Variants in JAKMIP3 observed in about 807,000 individuals in gnomAD.
JAKMIP3 encodes janus kinase and microtubule-interacting protein 3.
Under a neutral mutation model 118.5 loss-of-function variants are expected in JAKMIP3, and 58 were observed. The ratio of observed to expected loss-of-function variants is 0.49; its 90% CI spans 0.40 to 0.61. The LOEUF (loss-of-function observed/expected upper bound fraction) is 0.61, where lower values mean the gene tolerates loss of function less well. Ranked by LOEUF, JAKMIP3 falls within the 20% of genes least tolerant of loss-of-function variation. JAKMIP3 has a pLI of 0.00. For missense variants in JAKMIP3, 950 were observed against 1,109.0 expected (o/e 0.86, Z 2.04); for synonymous variants, 486 against 451.2 (o/e 1.08, Z -0.98).
In JAKMIP3 at chr10:132,104,665, C is replaced by T; in HGVS notation, c.-137-7C>T. The T allele has an allele frequency of 1.2e-6, 1 of 822,134 alleles. No homozygotes were observed. Among genetic ancestry groups the T allele is most frequent in the Non-Finnish European group, 1.9e-6 (1 of 523,638 alleles). 50.9% of individuals were successfully genotyped at this position (822,134 alleles called of 1,614,324 possible). On this transcript the variant is annotated splice_region_variant and splice_polypyrimidine_tract_variant and intron_variant, in intron 1 of 23. Coordinates refer to ENST00000684848, the MANE Select transcript of JAKMIP3 (RefSeq NM_001323087.2). ...AGCTGCTCACCGCGGTGTGCTTTCCCCTCCAGGTGAATGAGAAGATGTAGT... is the reference window on the plus strand; with the variant it reads ...AGCTGCTCACCGCGGTGTGCTTTCCTCTCCAGGTGAATGAGAAGATGTAGT...
intron 1 of JAKMIP3, among the ~76,000 whole-genome samples, chr10:132,039,520 A>C (rs972021525): frequency 6.6e-6 from 1 of 152,132 alleles, no homozygotes; most frequent in Non-Finnish European, 1.5e-5. Flanking sequence ...CAAGGCTGAG[A>C]GGCCTGGCCC....
intron 3 of JAKMIP3, among the ~76,000 whole-genome samples, chr10:132,121,486 C>T (rs2048522902): frequency 6.6e-6 from 1 of 152,212 alleles, no homozygotes; most frequent in Non-Finnish European, 1.5e-5. Context: ...CGCTCGGCCT[C>T]ACCGGGCCCT....
rs368540996 is a variant in JAKMIP3, at chr10:132,124,450, C to T, written c.633+6876C>T. Among the ~76,000 whole-genome samples, 30 of 149,220 alleles carry T rather than the reference C, an allele frequency of 2.0e-4. 1 individual carries two copies. The highest frequency in any genetic ancestry group is 7.1e-4 in the African/African-American group (29 of 41,024). Reference sequence around the variant, plus strand: ...CTGTCCCACCCTGGCACATCACCGCCGAGCCGGTGGGCCGCGCCATACACG... The same window carrying T: ...CTGTCCCACCCTGGCACATCACCGCTGAGCCGGTGGGCCGCGCCATACACG... On this transcript the variant is annotated intron_variant, in intron 3 of 23. Transcript: ENST00000684848.
At chr10:132,060,010 T>C (rs1266714424), upstream of JAKMIP3, among the ~76,000 whole-genome samples, 1 of 152,158 alleles carries the variant, frequency 6.6e-6, no homozygotes. Flanking sequence ...GGCTGCATCT[T>C]CATGCCCTCT....
At chr10:132,103,790 G>T (rs996886999) in intron 1 of JAKMIP3, among the ~76,000 whole-genome samples, 6 of 152,030 alleles carry the variant, frequency 3.9e-5, no homozygotes, top group Non-Finnish European at 5.9e-5. Flanking sequence ...GAAGCTTCCT[G>T]TGTATTTACG....
At chr10:132,171,652 CTTTT>C (rs34371364) in intron 23 of JAKMIP3, among the ~76,000 whole-genome samples, 22 of 135,758 alleles carry the variant, frequency 1.6e-4, no homozygotes, top group South Asian at 1.2e-3. Context: ...TTTTTTCTTT[CTTTT>C]TTTTTTTTTT....
chr10:132,141,845 G>C (rs1461279889), intron 10 of JAKMIP3, 75 bp from the exon 11 acceptor site: 1 of 1,522,546 alleles, frequency 6.6e-7, no homozygotes, highest in African/African-American at 1.4e-5. Context: ...GGAAGCCCCG[G>C]GGCCCCGCCA....
intron 3 of JAKMIP3, among the ~76,000 whole-genome samples, chr10:132,131,315 AGT>A (rs2050531557): frequency 7.4e-6 from 1 of 134,724 alleles, no homozygotes; most frequent in African/African-American, 2.9e-5. Context: ...TTATGGGGTG[AGT>A]GTGTGGGGGC....
At chr10:132,122,585 T>C (rs2048755417) in intron 3 of JAKMIP3, among the ~76,000 whole-genome samples, 2 of 152,212 alleles carry the variant, frequency 1.3e-5, no homozygotes, top group South Asian at 4.1e-4. Context: ...CTCTGTCTTG[T>C]CCTGGGACCC....
chr10:132,158,009 G>A (rs987880625), intron 19 of JAKMIP3, among the ~76,000 whole-genome samples: 1 of 152,092 alleles, frequency 6.6e-6, no homozygotes, highest in Admixed American at 6.5e-5. Flanking sequence ...TTACTTTGAG[G>A]TGTGTGTGAG....
chr10:132,095,673 G>A (rs1052655949), intron 1 of JAKMIP3, among the ~76,000 whole-genome samples: 4 of 152,106 alleles, frequency 2.6e-5, no homozygotes, highest in African/African-American at 9.7e-5. Context: ...TTCACGACAC[G>A]AGACTCCACA....
chr10:132,117,637 AGGGGCGGGCGTGGGCGAGGGTG>A lies in JAKMIP3; in HGVS notation c.633+64_633+85del. ...CAGGGGCGGGCGTGGGCGAGGGTGCAGGGGCGGGCGTGGGCGAGGGTGCAGGCGTGGGCTCGGGGAGCACGCG... is the reference window on the plus strand; with the variant it reads ...CAGGGGCGGGCGTGGGCGAGGGTGCACAGGCGTGGGCTCGGGGAGCACGCG... On this transcript the variant is annotated intron_variant, in intron 3 of 23. Coordinates refer to ENST00000684848, the MANE Select transcript of JAKMIP3 (RefSeq NM_001323087.2). The surrounding 1 kb of genome is among the most constrained non-coding windows in gnomAD (Gnocchi z 8.6). The A allele has an allele frequency of 2.7e-6, 3 of 1,120,526 alleles. No individual in the cohort carries two copies. The highest frequency in any genetic ancestry group is 3.6e-6 in the Non-Finnish European group (3 of 842,186). 69.4% of individuals were successfully genotyped at this position (1,120,526 alleles called of 1,614,324 possible). A position where few individuals can be genotyped will look rare whatever the true frequency, so the allele number is the denominator to read the frequency against.
At chr10:132,119,825 G>A (rs527789058) in intron 3 of JAKMIP3, among the ~76,000 whole-genome samples, 158 of 152,264 alleles carry the variant, frequency 1.0e-3, no homozygotes, top group African/African-American at 3.8e-3. Flanking sequence ...ACTCTACAAT[G>A]AACACGTCAA....
At chr10:132,154,490 G>A (rs11146217) in intron 19 of JAKMIP3, among the ~76,000 whole-genome samples, 2 of 152,142 alleles carry the variant, frequency 1.3e-5, no homozygotes, top group East Asian at 1.9e-4. Flanking sequence ...TGGGTTCCCC[G>A]CTGGGAGCTA....
chr10:132,128,300 C>T (rs900733216), intron 3 of JAKMIP3, among the ~76,000 whole-genome samples: 2 of 152,196 alleles, frequency 1.3e-5, no homozygotes, highest in Non-Finnish European at 2.9e-5. Context: ...TTCCTTCAGG[C>T]AATGTGTCTT....
intron 19 of JAKMIP3, among the ~76,000 whole-genome samples, chr10:132,156,869 A>G (rs2057159838): frequency 6.6e-6 from 1 of 152,140 alleles, no homozygotes; most frequent in Admixed American, 6.5e-5. Context: ...TTCTTTTTTT[A>G]ATATTGCATT....
At chr10:132,081,949 GCTGA>G (rs1448218780) in intron 1 of JAKMIP3, among the ~76,000 whole-genome samples, 6 of 151,806 alleles carry the variant, frequency 4.0e-5, no homozygotes, top group Admixed American at 3.3e-4. Context: ...TTTTATTTAT[GCTGA>G]CTGTTTTCCT....
chr10:132,102,614 G>A (rs918877284), intron 1 of JAKMIP3, among the ~76,000 whole-genome samples: 1 of 152,200 alleles, frequency 6.6e-6, no homozygotes, highest in Non-Finnish European at 1.5e-5. Flanking sequence ...TGGTTCCTGG[G>A]TGTCTGCATC....
At chr10:132,171,269 G>A (rs2059457519) in intron 23 of JAKMIP3, among the ~76,000 whole-genome samples, 1 of 152,188 alleles carries the variant, frequency 6.6e-6, no homozygotes, top group Admixed American at 6.5e-5. Context: ...AGTTTGAAGG[G>A]TGTCAGGAAA....
Sources: allele counts gnomAD v4.1 joint callset (sites outside exome capture counted in the v4.1 genomes callset), GRCh38; gene constraint gnomAD v4.1.1; non-coding constraint Gnocchi (gnomAD v3.1); transcripts MANE v1.5; gene names NCBI Gene and HGNC (gene_info 2026-07-23, HGNC 2026-07-21).